Variants in CSMD1 observed in about 807,000 individuals in gnomAD.
CSMD1 encodes CUB and sushi domain-containing protein 1.
A neutral mutation model predicts 417.5 loss-of-function variants in CSMD1; 213 were observed. The observed-to-expected ratio is 0.51, with a 90% confidence interval of 0.46 to 0.57. The LOEUF (loss-of-function observed/expected upper bound fraction) is 0.57, where lower values mean the gene tolerates loss of function less well. Ranked by LOEUF, CSMD1 falls within the 20% of genes least tolerant of loss-of-function variation. The pLI, the probability that CSMD1 is intolerant of heterozygous loss-of-function variation, is 0.00. For missense variants in CSMD1, 6,923 were observed against 4,529.7 expected (o/e 1.53, Z -15.17); for synonymous variants, 2,862 against 1,736.8 (o/e 1.65, Z -16.11).
At chr8:4,446,913 G>C (rs976240504) in intron 2 of CSMD1, among the ~76,000 whole-genome samples, 1 of 150,568 alleles carries the variant, frequency 6.6e-6, no homozygotes, top group Non-Finnish European at 1.5e-5. Context: ...GAGCCATTGC[G>C]CCTGGCAGAG....
chr8:4,369,094 CTTTCCTCTTAACACTG>C (rs1802256077), intron 3 of CSMD1, among the ~76,000 whole-genome samples: 1 of 152,084 alleles, frequency 6.6e-6, no homozygotes, highest in Non-Finnish European at 1.5e-5. Flanking sequence ...GTGCTAAAAA[CTTTCCTCTTAACACTG>C]ATTTAGCTGT....
chr8:4,445,379 T>C (rs2129743554), intron 2 of CSMD1, among the ~76,000 whole-genome samples: 1 of 152,328 alleles, frequency 6.6e-6, no homozygotes, highest in South Asian at 2.1e-4. Context: ...TTTGAGGAGC[T>C]CAACAAATTC....
chr8:4,224,501 T>C (rs1345729358), intron 3 of CSMD1, among the ~76,000 whole-genome samples: 1 of 152,140 alleles, frequency 6.6e-6, no homozygotes, highest in African/African-American at 2.4e-5. Context: ...CAGTTCAGTG[T>C]CTACTAAATG....
At chr8:3,209,251 T>G (rs1372975841) in intron 30 of CSMD1, among the ~76,000 whole-genome samples, 1 of 151,976 alleles carries the variant, frequency 6.6e-6, no homozygotes, top group Non-Finnish European at 1.5e-5. Flanking sequence ...ACATTTGTGT[T>G]AGAAAAATAT....
chr8:4,322,283 G>A (rs10112705), intron 3 of CSMD1, among the ~76,000 whole-genome samples: 128,146 of 152,154 alleles, frequency 0.84, 54,035 homozygotes, highest in East Asian at 0.99. Context: ...AGTGAGACCT[G>A]AATTCAATTT....
chr8:3,951,118 T>A (rs982724702), intron 5 of CSMD1, among the ~76,000 whole-genome samples: 4 of 152,216 alleles, frequency 2.6e-5, no homozygotes, highest in Non-Finnish European at 2.9e-5. Flanking sequence ...TCTACATTTA[T>A]AGGCAGGAGA....
intron 3 of CSMD1, among the ~76,000 whole-genome samples, chr8:4,288,747 T>A (rs1214333343): frequency 6.6e-6 from 1 of 152,168 alleles, no homozygotes; most frequent in African/African-American, 2.4e-5. Flanking sequence ...TCTCAGATGG[T>A]CAACCTCCCA....
chr8:4,211,159 C>A (rs898469323), intron 3 of CSMD1, among the ~76,000 whole-genome samples: 12 of 151,246 alleles, frequency 7.9e-5, no homozygotes, highest in African/African-American at 2.9e-4. Context: ...ATAATTTATC[C>A]AGGAAAAACA....
intron 52 of CSMD1, among the ~76,000 whole-genome samples, chr8:3,003,844 T>C (rs188808638): frequency 5.3e-5 from 8 of 152,302 alleles, no homozygotes; most frequent in African/African-American, 1.7e-4. Flanking sequence ...TGGCAAGACA[T>C]TCTAGCCACA....
chr8:3,201,044 C>G (rs1245662240), intron 32 of CSMD1, among the ~76,000 whole-genome samples: 2 of 152,008 alleles, frequency 1.3e-5, no homozygotes, highest in Admixed American at 1.3e-4. Context: ...GGGTGCATAC[C>G]GTGTTTGTTA....
intron 54 of CSMD1, among the ~76,000 whole-genome samples, chr8:2,996,201 C>T (rs1806882698): frequency 6.6e-6 from 1 of 152,100 alleles, no homozygotes; most frequent in Non-Finnish European, 1.5e-5. Flanking sequence ...GAATTGATGA[C>T]ATTTTATCCT....
intron 62 of CSMD1, among the ~76,000 whole-genome samples, chr8:2,960,939 G>GAGATATATATATATAT (rs368123437): frequency 9.0e-5 from 11 of 122,038 alleles, no homozygotes; most frequent in East Asian, 5.5e-4. Flanking sequence ...TAGTAAGCAA[G>GAGATATATATATATAT]ATATATATAT....
At chr8:3,156,669 A>G (rs947461743) in intron 39 of CSMD1, among the ~76,000 whole-genome samples, 5 of 152,210 alleles carry the variant, frequency 3.3e-5, no homozygotes, top group Non-Finnish European at 7.3e-5. Flanking sequence ...TTTGGAAAAA[A>G]TAAAAAGAAA....
At chr8:3,260,370 C>G (rs558671680) in intron 26 of CSMD1, among the ~76,000 whole-genome samples, 1 of 152,038 alleles carries the variant, frequency 6.6e-6, no homozygotes, top group Non-Finnish European at 1.5e-5. Context: ...TCGGGTGCCT[C>G]CGTGTTTCAG....
intron 1 of CSMD1, among the ~76,000 whole-genome samples, chr8:4,657,438 C>G (rs1451507734): frequency 6.6e-6 from 1 of 152,092 alleles, no homozygotes; most frequent in Non-Finnish European, 1.5e-5. Flanking sequence ...CTCTTTCTCA[C>G]TCACGCACTC....
At chr8:3,701,460 C>T (rs2129037116) in intron 7 of CSMD1, among the ~76,000 whole-genome samples, 1 of 151,986 alleles carries the variant, frequency 6.6e-6, no homozygotes, top group South Asian at 2.1e-4. Context: ...GTGCTAAACT[C>T]AGAGGCTGAC....
At chr8:3,982,364 T>C (rs1813949289) in intron 5 of CSMD1, among the ~76,000 whole-genome samples, 1 of 151,780 alleles carries the variant, frequency 6.6e-6, no homozygotes. Context: ...AGGATAATCC[T>C]TGTACAAACC....
At chr8:4,055,496 TATAA>T (rs1177922917) in intron 3 of CSMD1, among the ~76,000 whole-genome samples, 7 of 151,980 alleles carry the variant, frequency 4.6e-5, no homozygotes, top group Non-Finnish European at 1.5e-5. Context: ...AAGCATTTCA[TATAA>T]ATAAGAGTCA....
rs555417579 is a variant in CSMD1 at position 3,465,276 on chromosome 8, C to T, written c.1561+3436G>A. On this transcript the variant is annotated intron_variant, in intron 12 of 69. Transcript: ENST00000635120. The stretch of plus-strand genomic sequence containing the variant: ...CACCCTACTTGCTTTCTGAAAAATG[C>T]TCCTAAAAGGGTCCATTAACTGAGT... Among the ~76,000 whole-genome samples the T allele has an allele frequency of 1.8e-4, 27 of 152,248 alleles. No individual in the cohort carries two copies. The East Asian group carries it at 3.3e-3, about 19-fold the overall frequency.
Sources: allele counts gnomAD v4.1 joint callset (sites outside exome capture counted in the v4.1 genomes callset), GRCh38; gene constraint gnomAD v4.1.1; transcripts MANE v1.5; gene names NCBI Gene and HGNC (gene_info 2026-07-23, HGNC 2026-07-21).